The following STXBP5L variants were observed in gnomAD, a reference collection of about 807,000 sequenced individuals.
The protein encoded by STXBP5L is syntaxin-binding protein 5-like.
A neutral mutation model predicts 144.5 loss-of-function variants in STXBP5L; 65 were observed. The ratio of observed to expected loss-of-function variants is 0.45; its 90% CI spans 0.37 to 0.55. STXBP5L has a LOEUF of 0.55. Ranked by LOEUF, STXBP5L falls within the 20% of genes least tolerant of loss-of-function variation. The pLI, the probability that STXBP5L is intolerant of heterozygous loss-of-function variation, is 0.00. For missense variants in STXBP5L, 1,298 were observed against 1,405.5 expected, an observed-to-expected ratio of 0.92 and a Z score of 1.22; for synonymous variants, 505 against 469.6, an observed-to-expected ratio of 1.08 and a Z score of -0.97.
At chr3:121,210,013 T>A (rs1291325404) in intron 10 of STXBP5L, among the ~76,000 whole-genome samples, 2 of 152,208 alleles carry the variant, frequency 1.3e-5, no homozygotes, top group Admixed American at 1.3e-4. Flanking sequence ...CACCACACTG[T>A]CTTCCACAAT....
At chr3:121,164,071 A>T (rs762052301) in intron 9 of STXBP5L, among the ~76,000 whole-genome samples, 2 of 151,908 alleles carry the variant, frequency 1.3e-5, no homozygotes, top group Non-Finnish European at 2.9e-5. Context: ...CATTTTCATC[A>T]CTCCCCCCAA....
chr3:121,250,531 G>T (rs2049996484), intron 14 of STXBP5L, among the ~76,000 whole-genome samples, 192 bp from the exon 15 acceptor site: 1 of 151,774 alleles, frequency 6.6e-6, no homozygotes, highest in African/African-American at 2.4e-5. Context: ...CTAATCTTTA[G>T]ATTTTAGTAT....
At chr3:121,376,904 T>C (rs1299081763) in intron 20 of STXBP5L, among the ~76,000 whole-genome samples, 1 of 152,240 alleles carries the variant, frequency 6.6e-6, no homozygotes, top group Non-Finnish European at 1.5e-5. Context: ...TTTATTTCTT[T>C]GAGCAGTAGT....
At chr3:121,269,315 G>T (rs1478288978) in intron 18 of STXBP5L, among the ~76,000 whole-genome samples, 1 of 152,024 alleles carries the variant, frequency 6.6e-6, no homozygotes, top group Non-Finnish European at 1.5e-5. Flanking sequence ...TTACTCTTTT[G>T]AAGAACATAT....
intron 20 of STXBP5L, among the ~76,000 whole-genome samples, chr3:121,352,544 A>G (rs1355235586): frequency 6.6e-6 from 1 of 152,086 alleles, no homozygotes; most frequent in South Asian, 2.1e-4. Flanking sequence ...GTATCCAGAG[A>G]CTTTGCTGAA....
intron 18 of STXBP5L, among the ~76,000 whole-genome samples, chr3:121,266,361 G>C (rs2050566271): frequency 6.6e-6 from 1 of 152,146 alleles, no homozygotes; most frequent in East Asian, 1.9e-4. Context: ...CACATAAACA[G>C]AACCAATGAC....
intron 3 of STXBP5L, among the ~76,000 whole-genome samples, chr3:120,977,947 A>G (rs1253927220): frequency 6.6e-6 from 1 of 152,226 alleles, no homozygotes; most frequent in Admixed American, 6.5e-5. Context: ...TTTGTGGGTA[A>G]CCCGACCTTT....
At chr3:121,024,608 T>C (rs1576693314) in intron 3 of STXBP5L, among the ~76,000 whole-genome samples, 3 of 152,146 alleles carry the variant, frequency 2.0e-5, no homozygotes, top group Non-Finnish European at 4.4e-5. Context: ...CCCATGCAGG[T>C]AAAATAAAAA....
chr3:121,284,072 C>T (rs2051152438), intron 19 of STXBP5L, among the ~76,000 whole-genome samples: 2 of 151,896 alleles, frequency 1.3e-5, no homozygotes, highest in South Asian at 2.1e-4. Context: ...GGAGCAGAAG[C>T]GGGCTCTTAG....
chr3:121,188,597 A>T (rs2047499348), intron 9 of STXBP5L, among the ~76,000 whole-genome samples: 1 of 152,184 alleles, frequency 6.6e-6, no homozygotes, highest in South Asian at 2.1e-4. Flanking sequence ...GCACATCAAA[A>T]AGCTTATCCA....
chr3:121,300,517 CTGT>C (rs1438729757), intron 19 of STXBP5L, among the ~76,000 whole-genome samples: 1 of 152,008 alleles, frequency 6.6e-6, no homozygotes, highest in Admixed American at 6.6e-5. Flanking sequence ...CAGAATTATA[CTGT>C]TGTTTTTTTC....
intron 3 of STXBP5L, among the ~76,000 whole-genome samples, chr3:121,019,176 G>C (rs1945364533): frequency 6.6e-6 from 1 of 152,094 alleles, no homozygotes; most frequent in African/African-American, 2.4e-5. Context: ...TATCTCCATT[G>C]GCCTGAAAAC....
chr3:121,191,778 A>G (rs1363119269), intron 9 of STXBP5L, among the ~76,000 whole-genome samples: 1 of 152,172 alleles, frequency 6.6e-6, no homozygotes, highest in African/African-American at 2.4e-5. Flanking sequence ...ATATAAAAGG[A>G]TGAGTTCTTG....
chr3:121,155,601 G>GT (rs1316624299), intron 8 of STXBP5L, among the ~76,000 whole-genome samples: 5 of 151,432 alleles, frequency 3.3e-5, no homozygotes, highest in South Asian at 2.1e-4. Context: ...TATTATATTT[G>GT]TTTTTTTCAG....
chr3:121,093,781 T>C (rs1019857997), intron 5 of STXBP5L, among the ~76,000 whole-genome samples: 2 of 152,140 alleles, frequency 1.3e-5, no homozygotes, highest in African/African-American at 2.4e-5. Flanking sequence ...TTAAGTTCTG[T>C]TCTGATTTTA....
intron 3 of STXBP5L, among the ~76,000 whole-genome samples, chr3:120,978,020 GT>G (rs1413847728): frequency 6.6e-6 from 1 of 152,086 alleles, no homozygotes; most frequent in African/African-American, 2.4e-5. Flanking sequence ...ACAATTATGT[GT>G]CTTGGAGTTG....
At chr3:121,313,120 C>A (rs1201884813) in intron 19 of STXBP5L, among the ~76,000 whole-genome samples, 1 of 135,086 alleles carries the variant, frequency 7.4e-6, no homozygotes, top group Non-Finnish European at 1.6e-5. Context: ...CCAGACGGGG[C>A]GGCTGGCCAG....
intron 20 of STXBP5L, among the ~76,000 whole-genome samples, chr3:121,340,548 T>C (rs1198803925): frequency 6.6e-6 from 1 of 151,238 alleles, no homozygotes; most frequent in Non-Finnish European, 1.5e-5. Context: ...GTTCTCATTG[T>C]TCAACTCCCA....
chr3:121,315,391 A>G (rs963329929), intron 19 of STXBP5L, among the ~76,000 whole-genome samples: 6 of 151,666 alleles, frequency 4.0e-5, no homozygotes, highest in Non-Finnish European at 7.4e-5. Context: ...AAGGACAAAA[A>G]ACCAAACACT....
Sources: gnomAD v4.1 joint callset for allele counts (sites outside exome capture counted in the v4.1 genomes callset) on GRCh38, gnomAD v4.1.1 for gene constraint, MANE v1.5 for transcripts, NCBI Gene and HGNC (gene_info 2026-07-23, HGNC 2026-07-21) for gene names.